Variants in MVB12A observed in about 807,000 individuals in gnomAD.
The protein encoded by MVB12A is multivesicular body subunit 12A.
A neutral mutation model predicts 34.3 loss-of-function variants in MVB12A; 30 were observed. That is an observed-to-expected ratio of 0.88 (90% CI 0.65 to 1.19). The LOEUF (loss-of-function observed/expected upper bound fraction) is 1.19, where lower values mean the gene tolerates loss of function less well. MVB12A is among the 50% of genes most tolerant of loss of function. The probability of loss-of-function intolerance (pLI) is 0.00; values close to 1 mark genes in which losing one functional copy is unlikely to be tolerated. For synonymous variants in MVB12A, 158 were observed against 158.9 expected (o/e 0.99, Z 0.04); for missense variants, 355 against 369.2 (o/e 0.96, Z 0.31).
intron 6 of MVB12A, 73 bp from the exon 7 acceptor site, chr19:17,423,933 G>A (rs1157488065): frequency 1.3e-6 from 2 of 1,583,058 alleles, no homozygotes; most frequent in Admixed American, 1.7e-5. Context: ...GCCAGGCTGT[G>A]CGGGTTGGGC....
chr19:17,417,885 T>TTTC, upstream of MVB12A: 1 of 302,128 alleles, frequency 3.3e-6, no homozygotes, highest in Non-Finnish European at 6.5e-6. Context: ...CCTCTGGGTT[T>TTTC]TTCTTCTTCT....
Position 17,422,555 on chromosome 19 carries a change from CCTT to C in MVB12A, c.413+103_413+105del, listed in dbSNP as rs2074845140. ...AAGGACACCCCTGAGGTCTCCTGTT[CCTT>C]CTTCTACCTTCTGAGCCTCAGATTC... On this transcript the variant is annotated intron_variant, in intron 4 of 8. Coordinates refer to ENST00000317040, the MANE Select transcript of MVB12A (RefSeq NM_138401.4). 7.9e-6 allele frequency: 9 copies of C among 1,144,892 alleles called. No individual in the cohort carries two copies. In the East Asian group the frequency reaches 1.3e-4, roughly 17 times the overall value. The allele number at this position is 1,144,892 out of a possible 1,614,324, so 70.9% of individuals were successfully genotyped here. A position where few individuals can be genotyped will look rare whatever the true frequency, so the allele number is the denominator to read the frequency against.
chr19:17,412,032 G>A (rs905298188), intron 2 of MVB12A, among the ~76,000 whole-genome samples: 4 of 152,114 alleles, frequency 2.6e-5, no homozygotes, highest in Admixed American at 6.6e-5. Context: ...TGGGAGTGCC[G>A]CTGCCATCTA....
At chr19:17,418,413 G>A (rs1362134074), upstream of MVB12A, 1 of 60,216 alleles carries the variant, frequency 1.7e-5, no homozygotes, top group Non-Finnish European at 4.1e-5. Flanking sequence ...TTATTATTGA[G>A]ACGAGTTTCG....
upstream of MVB12A, chr19:17,418,410 T>TATTA (rs71162124): frequency 6.7e-6 from 1 of 148,928 alleles, no homozygotes; most frequent in Non-Finnish European, 1.5e-5. Flanking sequence ...TTATTATTAT[T>TATTA]GAGACGAGTT....
upstream of MVB12A, among the ~76,000 whole-genome samples, chr19:17,416,772 T>C (rs1257629802): frequency 6.6e-6 from 1 of 150,934 alleles, no homozygotes; most frequent in Non-Finnish European, 1.5e-5. Flanking sequence ...TGATCTTGGC[T>C]CACTGCAACT....
At chr19:17,417,708 G>C (rs921922933), upstream of MVB12A, 1 of 161,452 alleles carries the variant, frequency 6.2e-6, no homozygotes, top group African/African-American at 2.4e-5. Context: ...GGGACATTAG[G>C]CTCTTTCTTC....
At chr19:17,422,495 C>G in intron 4 of MVB12A, 37 bp downstream of exon 4, 1 of 1,576,260 alleles carries the variant, frequency 6.3e-7, no homozygotes, top group Non-Finnish European at 8.6e-7. Context: ...ACCTTCCCTG[C>G]CCTCCCAACT....
At chr19:17,419,968 C>A (rs2074825103), upstream of MVB12A, 1 of 419,244 alleles carries the variant, frequency 2.4e-6, no homozygotes. Context: ...ACGCCATTGG[C>A]CAGCAGCTCC....
upstream of MVB12A, chr19:17,419,036 A>G (rs922956675): frequency 1.3e-5 from 2 of 152,186 alleles, no homozygotes; most frequent in Non-Finnish European, 2.9e-5. Context: ...AGTCGACTTT[A>G]GATCATCAAT....
chr19:17,411,013 G>A (rs2074765944), intron 2 of MVB12A, among the ~76,000 whole-genome samples: 1 of 149,256 alleles, frequency 6.7e-6, no homozygotes, highest in South Asian at 2.1e-4. Flanking sequence ...CTGTCACCTA[G>A]GCTGGAGTGC....
intron 2 of MVB12A, 39 bp downstream of exon 2, chr19:17,420,450 C>T (rs1391417511): frequency 1.2e-6 from 2 of 1,603,592 alleles, no homozygotes; most frequent in Admixed American, 1.7e-5. Flanking sequence ...AGGGTCTGCC[C>T]ACCTCCCCTG....
Position 17,420,606 on chromosome 19 carries a change from C to T in MVB12A, c.258C>T (p.Phe86=), listed in dbSNP as rs747175489. 6.2e-7 allele frequency: 1 copy of T among 1,613,518 alleles called. No homozygotes were observed. Among genetic ancestry groups the T allele is most frequent in the Non-Finnish European group, 8.5e-7 (1 of 1,179,458 alleles). The change falls in exon 3 of 9, where the codon TTC becomes TTT. Residue 86 remains phenylalanine (F), a synonymous_variant. Transcript: ENST00000317040. ...ACAAGAGCCCCCTGCCGCTGGGCTT[C>T]TCCCCCGTCTGCGACCCCATGGATT... ...VVDKSPLPLG[F]SPVCDPMDSK...
At chr19:17,420,712 G>A (rs2074833450) in intron 3 of MVB12A, 78 bp downstream of exon 3, 1 of 1,033,818 alleles carries the variant, frequency 9.7e-7, no homozygotes, top group Non-Finnish European at 1.5e-6. Flanking sequence ...ACGGGCGCGC[G>A]GTATCTGAGC....
At position 17,424,065 on chromosome 19, in the gene MVB12A, C is replaced by G; in HGVS notation, c.700C>G (p.Leu234Val). The G allele has an allele frequency of 6.2e-7, 1 of 1,614,102 alleles. No homozygotes were observed. Residue 234 changes from leucine to valine, a missense_variant and splice_region_variant, in exon 7 of 9, where the codon CTG becomes GTG. Leu to Val is a conservative substitution (Grantham distance 32, BLOSUM62 1). Coordinates refer to ENST00000317040, the MANE Select transcript of MVB12A (RefSeq NM_138401.4). ...PRFEGKSCSP[L>V]AFSAFGDLTI... ...ATTTGAGGGCAAGAGCTGCAGCCCC[C>G]TGGTGAGTCGGGGTCTCAGGGAGCC...
Position 17,424,978 on chromosome 19 carries a change from C to G in MVB12A, c.807C>G (p.Pro269=). The change falls in exon 9 of 9, where the codon CCC becomes CCG. Residue 269 remains proline (P), a synonymous_variant. Transcript: ENST00000317040. Reference sequence around the variant, plus strand: ...AGAAGACCGCGGCTGCCCGCCTGCCCCCCAGCGTCTCATAGTCCCTCACCC... The same window carrying G: ...AGAAGACCGCGGCTGCCCGCCTGCCGCCCAGCGTCTCATAGTCCCTCACCC... ...VVEKTAAARL[P]PSVS 4 of 1,609,666 alleles carry G rather than the reference C, an allele frequency of 2.5e-6. No homozygotes were observed. Among genetic ancestry groups the G allele is most frequent in the Non-Finnish European group, 3.4e-6 (4 of 1,177,244 alleles).
intron 4 of MVB12A, among the ~76,000 whole-genome samples, chr19:17,423,191 TAAAAA>T (rs895549170): frequency 3.7e-5 from 4 of 106,676 alleles, no homozygotes; most frequent in Admixed American, 9.8e-5. Context: ...CGTTTCTACT[TAAAAA>T]AAAAAAAAAA....
intron 2 of MVB12A, among the ~76,000 whole-genome samples, chr19:17,410,529 T>TATATATACACACACACACACACACACAC: frequency 2.8e-4 from 21 of 74,376 alleles, no homozygotes; most frequent in East Asian, 7.5e-4. Context: ...TATATATATA[T>TATATATACACACACACACACACACACAC]ACACACACAC....
rs984382999 is a variant in MVB12A at position 17,420,211 on chromosome 19, C to T, written c.76C>T (p.Arg26Trp). Residue 26 changes from arginine (R) to tryptophan (W), a missense_variant, in exon 1 of 9, where the codon CGG (arginine) becomes TGG (tryptophan). Coordinates refer to ENST00000317040, the MANE Select transcript of MVB12A (RefSeq NM_138401.4). ...AWSSASAPPP[R>W]GFSAISCTVE... is the part of the protein sequence containing the mutation. Reference sequence around the variant, plus strand: ...GTCGTCGGCCTCTGCACCCCCGCCGCGGGGGTTCAGCGCGGTGAGCGGCGT... The same window carrying T: ...GTCGTCGGCCTCTGCACCCCCGCCGTGGGGGTTCAGCGCGGTGAGCGGCGT... 2 of 1,476,232 alleles carry T rather than the reference C, an allele frequency of 1.4e-6. No homozygotes were observed. Among genetic ancestry groups the T allele is most frequent in the Non-Finnish European group, 1.8e-6 (2 of 1,120,432 alleles). 91.4% of individuals were successfully genotyped at this position (1,476,232 alleles called of 1,614,324 possible). A position where few individuals can be genotyped will look rare whatever the true frequency, so the allele number is the denominator to read the frequency against.
Sources: gnomAD v4.1 joint callset for allele counts (sites outside exome capture counted in the v4.1 genomes callset) on GRCh38, gnomAD v4.1.1 for gene constraint, MANE v1.5 for transcripts, NCBI Gene and HGNC (gene_info 2026-07-23, HGNC 2026-07-21) for gene names.